Variants in TMEM178B observed in about 807,000 individuals in gnomAD.
TMEM178B encodes the protein transmembrane protein 178B.
TMEM178B carries 5 observed loss-of-function variants against 31.0 expected under a neutral mutation model. The ratio of observed to expected loss-of-function variants is 0.16; its 90% CI spans 0.08 to 0.34. TMEM178B has a LOEUF of 0.34. Among genes scored for constraint, TMEM178B ranks in the 10% least tolerant of loss-of-function variants. The probability of loss-of-function intolerance (pLI) is 1.00; values close to 1 mark genes in which losing one functional copy is unlikely to be tolerated. For missense variants in TMEM178B, 275 were observed against 400.3 expected (o/e 0.69, Z 2.67); for synonymous variants, 164 against 164.0 (o/e 1.00, Z 0.00).
chr7:141,222,271 A>C (rs1027029903), intron 2 of TMEM178B, among the ~76,000 whole-genome samples: 3 of 152,166 alleles, frequency 2.0e-5, no homozygotes, highest in Non-Finnish European at 2.9e-5. Flanking sequence ...AGCTAAGGGA[A>C]TCTTCCTAAT....
intron 1 of TMEM178B, among the ~76,000 whole-genome samples, chr7:141,153,796 A>G (rs990183060): frequency 2.0e-5 from 3 of 152,212 alleles, no homozygotes; most frequent in African/African-American, 7.2e-5. Context: ...TTTATATAAG[A>G]CATAAGCATT....
intron 2 of TMEM178B, among the ~76,000 whole-genome samples, chr7:141,233,490 T>C (rs1305417397): frequency 6.6e-6 from 1 of 152,168 alleles, no homozygotes; most frequent in Non-Finnish European, 1.5e-5. Context: ...CACCGTAAGC[T>C]CTTCTTCTAT....
At chr7:141,459,699 A>G (rs1460629593) in intron 3 of TMEM178B, among the ~76,000 whole-genome samples, 14 of 152,216 alleles carry the variant, frequency 9.2e-5, no homozygotes, top group Non-Finnish European at 1.3e-4. Context: ...AGACAGGACA[A>G]TGGCACTTTG....
intron 1 of TMEM178B, among the ~76,000 whole-genome samples, chr7:141,106,924 GACA>G (rs1214981374): frequency 6.6e-6 from 1 of 152,158 alleles, no homozygotes; most frequent in Non-Finnish European, 1.5e-5. Flanking sequence ...CCAATGGGGA[GACA>G]ACAATTGGAG....
rs979735210 is a variant in TMEM178B, at chr7:141,480,125, G to C, written c.*9339G>C. 1 of 152,160 alleles carries C rather than the reference G, an allele frequency of 6.6e-6. No homozygotes were observed. Among genetic ancestry groups the C allele is most frequent in the Non-Finnish European group, 1.5e-5 (1 of 68,022 alleles). 9.4% of individuals were successfully genotyped at this position (152,160 alleles called of 1,614,324 possible). On this transcript the variant is annotated 3_prime_UTR_variant, in exon 4 of 4. Transcript: ENST00000565468. The stretch of plus-strand genomic sequence containing the variant: ...GGGAAGTGGGAGGGGGGATGAAAAG[G>C]GAAATTGCCAGGTTCCTGTGACTTT...
In TMEM178B at chr7:141,362,639, G is replaced by C. The variant is rs796521337; in HGVS notation, c.497-74969G>C. On this transcript the variant is annotated intron_variant, in intron 2 of 3. Transcript: ENST00000565468. The stretch of plus-strand genomic sequence containing the variant: ...TCAAATCTAAGAATCATCACTCTGT[G>C]GGGGCATTTGGTGCTTTGAGGTCAG... Among the ~76,000 whole-genome samples, 32 of 152,294 alleles carry C rather than the reference G, an allele frequency of 2.1e-4. 1 individual carries two copies. The highest frequency in any genetic ancestry group is 7.5e-4 in the African/African-American group (31 of 41,554).
intron 2 of TMEM178B, among the ~76,000 whole-genome samples, chr7:141,229,013 C>CTTT (rs3035763): frequency 2.5e-5 from 2 of 80,572 alleles, no homozygotes; most frequent in African/African-American, 1.0e-4. Flanking sequence ...TCAGTACTAT[C>CTTT]TTTTTTTTTT....
At chr7:141,314,690 A>G (rs1433106143) in intron 2 of TMEM178B, among the ~76,000 whole-genome samples, 1 of 152,006 alleles carries the variant, frequency 6.6e-6, no homozygotes, top group Non-Finnish European at 1.5e-5. Flanking sequence ...TCAATGTCTA[A>G]TCTTGCTTCT....
chr7:141,211,749 T>G (rs895188641), intron 1 of TMEM178B, among the ~76,000 whole-genome samples: 9 of 152,166 alleles, frequency 5.9e-5, no homozygotes, highest in African/African-American at 2.2e-4. Context: ...GCAATTTTGT[T>G]AGTTTCTCCA....
chr7:141,162,784 G>C (rs1415015860), intron 1 of TMEM178B, among the ~76,000 whole-genome samples: 1 of 152,202 alleles, frequency 6.6e-6, no homozygotes, highest in Non-Finnish European at 1.5e-5. Flanking sequence ...TTTTATGGGA[G>C]TGAAGAATAA....
At chr7:141,487,741 CAA>C in the TMEM178B span, among the ~76,000 whole-genome samples, 1,111 of 30,018 alleles carry the variant, frequency 0.037, 2 homozygotes, top group African/African-American at 0.06. Context: ...GACTCCGTCT[CAA>C]AAAAAAAAAA....
chr7:141,413,698 G>A (rs1801044854), intron 2 of TMEM178B, among the ~76,000 whole-genome samples: 2 of 152,204 alleles, frequency 1.3e-5, no homozygotes, highest in South Asian at 4.1e-4. Flanking sequence ...CAGCTTCTGC[G>A]CAGACGATGC....
At chr7:141,363,116 A>G (rs780606085) in intron 2 of TMEM178B, among the ~76,000 whole-genome samples, 1 of 152,204 alleles carries the variant, frequency 6.6e-6, no homozygotes, top group Non-Finnish European at 1.5e-5. Flanking sequence ...AAAAGTCCCA[A>G]GGGCCCTAAC....
chr7:141,482,683 G>T (rs530522140), downstream of TMEM178B, among the ~76,000 whole-genome samples: 1 of 152,250 alleles, frequency 6.6e-6, no homozygotes, highest in South Asian at 2.1e-4. Flanking sequence ...TATACTCAGG[G>T]TTATGGTTTA....
At chr7:141,408,990 A>G (rs1240637319) in intron 2 of TMEM178B, among the ~76,000 whole-genome samples, 1 of 152,180 alleles carries the variant, frequency 6.6e-6, no homozygotes, top group Admixed American at 6.5e-5. Context: ...GCAGGAAACA[A>G]TGAGAGAAAA....
At chr7:141,139,747 T>G (rs985873583) in intron 1 of TMEM178B, among the ~76,000 whole-genome samples, 2 of 151,756 alleles carry the variant, frequency 1.3e-5, no homozygotes, top group Non-Finnish European at 2.9e-5. Flanking sequence ...CTGTTACTTC[T>G]TGGTGAACTT....
intron 1 of TMEM178B, among the ~76,000 whole-genome samples, chr7:141,080,322 A>G (rs1005253703): frequency 1.3e-5 from 2 of 152,206 alleles, no homozygotes; most frequent in African/African-American, 2.4e-5. Context: ...GAGACGGACA[A>G]TAAATAAATA....
intron 1 of TMEM178B, among the ~76,000 whole-genome samples, chr7:141,079,438 C>T (rs765529179): frequency 3.3e-5 from 5 of 152,172 alleles, no homozygotes; most frequent in South Asian, 2.1e-4. Context: ...GACAGCGCCA[C>T]GCAGAGCCTA....
intron 2 of TMEM178B, among the ~76,000 whole-genome samples, chr7:141,229,295 A>G (rs1797402649): frequency 1.3e-5 from 2 of 151,996 alleles, no homozygotes; most frequent in Non-Finnish European, 2.9e-5. Flanking sequence ...AAATCCAGCT[A>G]ATCTTGAAAA....
Sources: allele counts gnomAD v4.1 joint callset (sites outside exome capture counted in the v4.1 genomes callset), GRCh38; gene constraint gnomAD v4.1.1; transcripts MANE v1.5; gene names NCBI Gene and HGNC (gene_info 2026-07-23, HGNC 2026-07-21).